CREM: variants seen among roughly 807,000 people sequenced by gnomAD.
CREM encodes the protein cAMP-responsive element modulator.
CREM carries 13 observed loss-of-function variants against 37.3 expected under a neutral mutation model. The ratio of observed to expected loss-of-function variants is 0.35; its 90% CI spans 0.23 to 0.55. The LOEUF (loss-of-function observed/expected upper bound fraction) is 0.55. Among genes scored for constraint, CREM ranks in the 20% least tolerant of loss-of-function variants. CREM has a pLI of 0.88. For missense variants in CREM, 296 were observed against 362.3 expected, an observed-to-expected ratio of 0.82 and a Z score of 1.49; for synonymous variants, 124 against 120.2, an observed-to-expected ratio of 1.03 and a Z score of -0.21.
In CREM at chr10:35,211,847, T is replaced by C; in HGVS notation, c.*449T>C. 6.5e-7 allele frequency: 1 copy of C among 1,545,512 alleles called. No homozygotes were observed. The highest frequency in any genetic ancestry group is 8.7e-7 in the Non-Finnish European group (1 of 1,146,728). ...TGAAGGCAGCATGTATAGTTGCTTT[T>C]GAAGGAATACAATATATAGCTGGCA... On this transcript the variant is annotated 3_prime_UTR_variant, in exon 8 of 8. Transcript: ENST00000685392.
At chr10:35,127,694 C>G (rs1370454648) in intron 1 of CREM, 1 of 152,276 alleles carries the variant, frequency 6.6e-6, no homozygotes, top group Admixed American at 6.5e-5. Flanking sequence ...CTGAGTCATT[C>G]GGTCCCGGGC....
chr10:35,196,110 G>A (rs1438415341), intron 6 of CREM: 1 of 1,613,942 alleles, frequency 6.2e-7, no homozygotes, highest in Admixed American at 1.7e-5. Flanking sequence ...GTAAGATCGA[G>A]CCTCCTACTG....
At chr10:35,135,037 C>CA (rs1208451069) in intron 1 of CREM, among the ~76,000 whole-genome samples, 1,248 of 103,614 alleles carry the variant, frequency 0.012, 12 homozygotes, top group African/African-American at 0.032. Context: ...GACTCAGTCT[C>CA]AAAAAAAAAA....
chr10:35,203,475 C>T (rs1464672864), intron 6 of CREM, among the ~76,000 whole-genome samples: 2 of 152,060 alleles, frequency 1.3e-5, no homozygotes, highest in Admixed American at 6.6e-5. Flanking sequence ...AGGTAGATCA[C>T]GAGGTTAGGA....
chr10:35,138,876 A>G lies in CREM; in HGVS notation c.44+997A>G, dbSNP rs181324897. Among the ~76,000 whole-genome samples, 225 of 152,076 alleles carry G rather than the reference A, an allele frequency of 1.5e-3. 1 individual carries two copies. Among genetic ancestry groups the G allele is most frequent in the African/African-American group, 4.9e-3 (204 of 41,522 alleles). On this transcript the variant is annotated intron_variant, in intron 2 of 7. Coordinates refer to ENST00000685392, the MANE Select transcript of CREM (RefSeq NM_183011.2). The stretch of plus-strand genomic sequence containing the variant: ...AGGGAAGAAGACCAGCCTGGGTAAC[A>G]TAGCAAGATCCTGTCTCTTAGAAAA...
At chr10:35,201,460 CTG>C in intron 6 of CREM, 1 of 1,551,628 alleles carries the variant, frequency 6.4e-7, no homozygotes, top group Non-Finnish European at 8.7e-7. Context: ...GATGAGGAAA[CTG>C]AACTTGCCCC....
At chr10:35,138,165 A>G (rs893892045) in intron 2 of CREM, among the ~76,000 whole-genome samples, 8 of 152,362 alleles carry the variant, frequency 5.3e-5, no homozygotes, top group African/African-American at 1.9e-4. Context: ...GTGGAATTGT[A>G]GAATTCGAAG....
chr10:35,186,345 T>G (rs2094552447), intron 5 of CREM, among the ~76,000 whole-genome samples: 1 of 152,094 alleles, frequency 6.6e-6, no homozygotes, highest in South Asian at 2.1e-4. Flanking sequence ...TTCAAGTCAA[T>G]TAATATGTTA....
chr10:35,202,030 TC>T (rs1475659280), intron 6 of CREM, among the ~76,000 whole-genome samples: 1 of 152,164 alleles, frequency 6.6e-6, no homozygotes, highest in African/African-American at 2.4e-5. Flanking sequence ...AAAGATACTA[TC>T]CCTGATTTGT....
chr10:35,203,147 T>C (rs1401497661), intron 6 of CREM, among the ~76,000 whole-genome samples: 1 of 152,012 alleles, frequency 6.6e-6, no homozygotes, highest in Non-Finnish European at 1.5e-5. Context: ...CTCAACCTCC[T>C]GGGCTCACAT....
intron 3 of CREM, among the ~76,000 whole-genome samples, chr10:35,157,117 C>G (rs2092962252): frequency 6.6e-6 from 1 of 152,106 alleles, no homozygotes; most frequent in Admixed American, 6.6e-5. Flanking sequence ...CCTGATAAAT[C>G]ACATCAACAG....
chr10:35,166,220 T>C (rs1343764521), intron 3 of CREM, among the ~76,000 whole-genome samples: 1 of 152,062 alleles, frequency 6.6e-6, no homozygotes, highest in Non-Finnish European at 1.5e-5. Context: ...AAAATTTAAA[T>C]GCATTGAATT....
At chr10:35,185,487 T>A (rs1265573949) in intron 5 of CREM, among the ~76,000 whole-genome samples, 1 of 152,134 alleles carries the variant, frequency 6.6e-6, no homozygotes, top group Non-Finnish European at 1.5e-5. Flanking sequence ...ATCAAACTAA[T>A]TATCAACTGA....
chr10:35,137,876 C>A lies in CREM; in HGVS notation c.41C>A (p.Pro14Gln). The A allele has an allele frequency of 6.3e-7, 1 of 1,585,514 alleles. No homozygotes were observed. Residue 14 changes from proline to glutamine, a missense_variant, in exon 2 of 8, where the codon CCA (proline) becomes CAA (glutamine). Coordinates refer to ENST00000685392, the MANE Select transcript of CREM (RefSeq NM_183011.2). ...CARKKYIKTN[P>Q]RQMTMETVES... ...AGGAAAAAATATATTAAGACAAATCCAAGGTAGGTAGATGTACGTTTTTCT... is the reference window on the plus strand; with the variant it reads ...AGGAAAAAATATATTAAGACAAATCAAAGGTAGGTAGATGTACGTTTTTCT...
At chr10:35,139,483 G>A (rs1257587790) in intron 2 of CREM, among the ~76,000 whole-genome samples, 1 of 151,988 alleles carries the variant, frequency 6.6e-6, no homozygotes, top group Non-Finnish European at 1.5e-5. Flanking sequence ...CCAGTATTTT[G>A]CTTGTTGTTA....
chr10:35,143,204 C>T (rs2091668504), intron 2 of CREM, among the ~76,000 whole-genome samples: 1 of 151,336 alleles, frequency 6.6e-6, no homozygotes, highest in East Asian at 2.0e-4. Flanking sequence ...CTCTTGACCT[C>T]GTGATCTGCC....
intron 3 of CREM, among the ~76,000 whole-genome samples, chr10:35,165,966 T>C (rs1176478231): frequency 2.0e-5 from 3 of 152,196 alleles, no homozygotes; most frequent in Admixed American, 2.0e-4. Context: ...TGCTTTGCTT[T>C]CAAGAAGTGA....
At chr10:35,187,836 G>A (rs1357688135) in intron 5 of CREM, among the ~76,000 whole-genome samples, 9 of 152,134 alleles carry the variant, frequency 5.9e-5, no homozygotes, top group Non-Finnish European at 1.0e-4. Context: ...TAGAAGAATG[G>A]TGTTTATAAG....
chr10:35,181,735 G>T (rs1290238234), intron 5 of CREM, among the ~76,000 whole-genome samples: 2 of 152,084 alleles, frequency 1.3e-5, no homozygotes, highest in Non-Finnish European at 2.9e-5. Flanking sequence ...AATTAGCAGG[G>T]TGTGGTGGTA....
Sources: allele counts gnomAD v4.1 joint callset (sites outside exome capture counted in the v4.1 genomes callset), GRCh38; gene constraint gnomAD v4.1.1; transcripts MANE v1.5; gene names NCBI Gene and HGNC (gene_info 2026-07-23, HGNC 2026-07-21).